Variants in FBXO6 observed in about 807,000 individuals in gnomAD.
FBXO6 encodes the protein F-box only protein 6.
FBXO6 carries 13 observed loss-of-function variants against 25.0 expected under a neutral mutation model. The observed-to-expected ratio is 0.52, with a 90% CI of 0.34 to 0.83. The LOEUF is 0.83. Ranked by LOEUF, FBXO6 falls within the 40% of genes least tolerant of loss-of-function variation. The pLI, the probability that FBXO6 is intolerant of heterozygous loss-of-function variation, is 0.02. For synonymous variants in FBXO6, 138 were observed against 155.3 expected, an observed-to-expected ratio of 0.89 and a Z score of 0.83; for missense variants, 370 against 380.2, an observed-to-expected ratio of 0.97 and a Z score of 0.22.
At chr1:11,666,572 T>TG (rs1557670630) in intron 1 of FBXO6, among the ~76,000 whole-genome samples, 3 of 151,840 alleles carry the variant, frequency 2.0e-5, no homozygotes, top group African/African-American at 7.3e-5. Context: ...TTAGTAGAGA[T>TG]GGGGTTTCAC....
chr1:11,668,105 AAAAG>A (rs1338575052), intron 1 of FBXO6, among the ~76,000 whole-genome samples: 1 of 151,344 alleles, frequency 6.6e-6, no homozygotes, highest in African/African-American at 2.4e-5. Flanking sequence ...AAAAAAAAAA[AAAAG>A]ATTTTATATT....
chr1:11,665,358 G>C (rs1398287659), intron 1 of FBXO6, among the ~76,000 whole-genome samples: 6 of 148,968 alleles, frequency 4.0e-5, no homozygotes, highest in Non-Finnish European at 5.9e-5. Flanking sequence ...CCGAGTAGCT[G>C]GGACTACAGG....
intron 4 of FBXO6, 183 bp downstream of exon 4, chr1:11,672,206 C>A: frequency 1.7e-6 from 1 of 602,148 alleles, no homozygotes; most frequent in Non-Finnish European, 3.0e-6. Context: ...TCCCCACCAC[C>A]CTGTGACGTA....
In FBXO6 at chr1:11,673,351, T is replaced by C; in HGVS notation, c.584T>C (p.Leu195Ser). ...CTGGCCTCGGCTGACTACTTCGTGT[T>C]GGCCTCCTTCGAGCCCCCACCTGTG... Reference protein sequence around the residue: ...VQLASADYFVLASFEPPPVTI... With the variant: ...VQLASADYFVSASFEPPPVTI... Residue 195 changes from leucine (L) to serine (S), a missense_variant, in exon 5 of 6, where the codon TTG (leucine) becomes TCG (serine). By Grantham distance (145) the Leu-to-Ser change is moderately radical. Transcript: ENST00000376753. This position sits in a 1 kb window ranked among gnomAD's most constrained non-coding sequence, Gnocchi z 4.3. The C allele has an allele frequency of 6.2e-7, 1 of 1,614,116 alleles. No homozygotes were observed. Among genetic ancestry groups the C allele is most frequent in the Non-Finnish European group, 8.5e-7 (1 of 1,180,020 alleles).
In FBXO6 at chr1:11,673,662, C is replaced by A; in HGVS notation, c.693C>A (p.Leu231=). Residue 231 remains leucine (L), a synonymous_variant, in exon 6 of 6, where the codon CTC becomes CTA. Coordinates refer to ENST00000376753, the MANE Select transcript of FBXO6 (RefSeq NM_018438.6). This position sits in a 1 kb window ranked among gnomAD's most constrained non-coding sequence, Gnocchi z 4.3. ...SDYPRGVRYI[L]FQHGGRDTQY... is the part of the protein sequence containing the mutation. ...ACCCCCGGGGTGTCCGCTACATCCT[C>A]TTCCAGCATGGGGGCAGGGACACCC... is the stretch of plus-strand genomic sequence containing the variant. 6.2e-7 allele frequency: 1 copy of A among 1,614,164 alleles called. No individual in the cohort carries two copies. Among genetic ancestry groups the A allele is most frequent in the Middle Eastern group, 1.6e-4 (1 of 6,062 alleles).
intron 4 of FBXO6, among the ~76,000 whole-genome samples, chr1:11,672,818 G>A (rs1315394494): frequency 6.6e-6 from 1 of 152,248 alleles, no homozygotes; most frequent in Non-Finnish European, 1.5e-5. Flanking sequence ...CCACTCTGAG[G>A]ATAAAGCGGT....
At chr1:11,669,504 A>G (rs1037213902) in intron 2 of FBXO6, among the ~76,000 whole-genome samples, 3 of 149,190 alleles carry the variant, frequency 2.0e-5, no homozygotes, top group Non-Finnish European at 4.5e-5. Context: ...GAATTTCCTT[A>G]TTTTTTTCTG....
Position 11,673,920 on chromosome 1 carries a change from G to T in FBXO6, c.*69G>T. Reference sequence around the variant, plus strand: ...GCAGGAGCTGAGCATGGGGTGGGCAGTGAGGTCCCTGTACCAGCGACTCCT... The same window carrying T: ...GCAGGAGCTGAGCATGGGGTGGGCATTGAGGTCCCTGTACCAGCGACTCCT... On this transcript the variant is annotated 3_prime_UTR_variant, in exon 6 of 6. Transcript: ENST00000376753. This position sits in a 1 kb window ranked among gnomAD's most constrained non-coding sequence, Gnocchi z 4.3. 4 of 1,429,908 alleles carry T rather than the reference G, an allele frequency of 2.8e-6. No homozygotes were observed. The highest frequency in any genetic ancestry group is 1.4e-5 in the African/African-American group (1 of 71,496). 88.6% of individuals were successfully genotyped at this position (1,429,908 alleles called of 1,614,324 possible).
chr1:11,667,399 C>T lies in FBXO6; in HGVS notation c.-3-1257C>T, dbSNP rs142944325. On this transcript the variant is annotated intron_variant, in intron 1 of 5. Coordinates refer to ENST00000376753, the MANE Select transcript of FBXO6 (RefSeq NM_018438.6). ...TGCTTGAAGTTTTCCAGAACCCGTG[C>T]GCAGTGCAGAGGTACAAGGAGGACA... is the stretch of plus-strand genomic sequence containing the variant. Among the ~76,000 whole-genome samples the T allele has an allele frequency of 3.0e-3, 463 of 152,258 alleles. 2 individuals carry two copies. Among genetic ancestry groups the T allele is most frequent in the East Asian group, 9.5e-3 (49 of 5,184 alleles).
At chr1:11,672,291 CTT>C (rs71568344) in intron 4 of FBXO6, among the ~76,000 whole-genome samples, 1 of 146,412 alleles carries the variant, frequency 6.8e-6, no homozygotes. Context: ...TGGACAGGCA[CTT>C]TTTTTTTTTT....
rs761472382 is a variant in FBXO6 at position 11,668,706 on chromosome 1, G to A, written c.48G>A (p.Leu16=). 10 of 1,613,952 alleles carry A rather than the reference G, an allele frequency of 6.2e-6. No homozygotes were observed. The highest frequency in any genetic ancestry group is 8.5e-6 in the Non-Finnish European group (10 of 1,180,018). The change falls in exon 2 of 6, where the codon CTG becomes CTA. Residue 16 remains leucine, a synonymous_variant. Transcript: ENST00000376753. ...CAGCCCTGGACAGCATTAACGAGCT[G>A]CCCGAGAACATCCTGCTGGAGCTGT... The part of the protein sequence containing the change: ...SKAALDSINE[L]PENILLELFT...
Position 11,673,454 on chromosome 1 carries a change from G to C in FBXO6, c.645+42G>C. On this transcript the variant is annotated intron_variant, in intron 5 of 5. Coordinates refer to ENST00000376753, the MANE Select transcript of FBXO6 (RefSeq NM_018438.6). This position sits in a 1 kb window ranked among gnomAD's most constrained non-coding sequence, Gnocchi z 4.3. The stretch of plus-strand genomic sequence containing the variant: ...TTGCTCTCTCTACCCACTCCTCCCA[G>C]GGCCAGGATGGCAGGAAGCAAAGGG... 1.2e-6 allele frequency: 2 copies of C among 1,604,042 alleles called. No individual in the cohort carries two copies. Among genetic ancestry groups the C allele is most frequent in the Non-Finnish European group, 1.7e-6 (2 of 1,173,582 alleles).
chr1:11,665,016 T>C (rs1640368701), intron 1 of FBXO6, among the ~76,000 whole-genome samples: 1 of 151,678 alleles, frequency 6.6e-6, no homozygotes, highest in Admixed American at 6.6e-5. Flanking sequence ...GTCTAGAGTC[T>C]AGACAGTGCC....
In FBXO6 at chr1:11,673,913, G is replaced by C; in HGVS notation, c.*62G>C. On this transcript the variant is annotated 3_prime_UTR_variant, in exon 6 of 6. Coordinates refer to ENST00000376753, the MANE Select transcript of FBXO6 (RefSeq NM_018438.6). This position sits in a 1 kb window ranked among gnomAD's most constrained non-coding sequence, Gnocchi z 4.3. Reference sequence around the variant, plus strand: ...CCTCCAGGCAGGAGCTGAGCATGGGGTGGGCAGTGAGGTCCCTGTACCAGC... The same window carrying C: ...CCTCCAGGCAGGAGCTGAGCATGGGCTGGGCAGTGAGGTCCCTGTACCAGC... 6.6e-7 allele frequency: 1 copy of C among 1,510,984 alleles called. No homozygotes were observed. Among genetic ancestry groups the C allele is most frequent in the Middle Eastern group, 1.7e-4 (1 of 5,860 alleles). 93.6% of individuals were successfully genotyped at this position (1,510,984 alleles called of 1,614,324 possible).
intron 1 of FBXO6, among the ~76,000 whole-genome samples, chr1:11,665,382 A>G (rs1234230358): frequency 6.8e-6 from 1 of 146,742 alleles, no homozygotes; most frequent in Non-Finnish European, 1.5e-5. Context: ...CTGCTTCTCG[A>G]GTAGCTGGGA....
intron 2 of FBXO6, among the ~76,000 whole-genome samples, chr1:11,670,647 G>GCT (rs1640591294): frequency 6.6e-6 from 1 of 151,278 alleles, no homozygotes; most frequent in Non-Finnish European, 1.5e-5. Flanking sequence ...AAGGGGGGGG[G>GCT]GGTGTCGCTA....
chr1:11,672,191 T>A, intron 4 of FBXO6, 168 bp downstream of exon 4: 1 of 614,490 alleles, frequency 1.6e-6, no homozygotes, highest in East Asian at 2.8e-5. Context: ...CGGCACCTCC[T>A]GGCCTCCCCA....
chr1:11,668,348 A>C (rs1390686065), intron 1 of FBXO6, among the ~76,000 whole-genome samples: 1 of 149,898 alleles, frequency 6.7e-6, no homozygotes, highest in Non-Finnish European at 1.5e-5. Flanking sequence ...CTTTCCACTG[A>C]GGGGCTACTG....
chr1:11,671,306 C>T lies in FBXO6; in HGVS notation c.327C>T (p.Asp109=). Residue 109 remains aspartate, a synonymous_variant, in exon 3 of 6, where the codon GAC becomes GAT. Coordinates refer to ENST00000376753, the MANE Select transcript of FBXO6 (RefSeq NM_018438.6). ...GGCAAATTGATTTCAATGGTGGGGA[C>T]CGCTGGAAGGTGGAGAGCCTCCCTG... ...FAWQIDFNGG[D]RWKVESLPGA... The T allele has an allele frequency of 6.2e-7, 1 of 1,614,114 alleles. No individual in the cohort carries two copies. Among genetic ancestry groups the T allele is most frequent in the Non-Finnish European group, 8.5e-7 (1 of 1,179,986 alleles).
Sources: allele counts gnomAD v4.1 joint callset (sites outside exome capture counted in the v4.1 genomes callset), GRCh38; gene constraint gnomAD v4.1.1; non-coding constraint Gnocchi (gnomAD v3.1); transcripts MANE v1.5; gene names NCBI Gene and HGNC (gene_info 2026-07-23, HGNC 2026-07-21).